The following KANK1 variants were observed in gnomAD, a reference collection of about 807,000 sequenced individuals.
The protein encoded by KANK1 is KN motif and ankyrin repeat domain-containing protein 1.
A neutral mutation model predicts 106.2 loss-of-function variants in KANK1; 109 were observed. The ratio of observed to expected loss-of-function variants is 1.03; its 90% CI spans 0.88 to 1.20. KANK1 has a LOEUF of 1.20. Ranked by LOEUF, KANK1 falls within the 50% of genes most tolerant of loss-of-function variation. KANK1 has a pLI of 0.00. For synonymous variants in KANK1, 873 were observed against 652.2 expected (o/e 1.34, Z -5.16); for missense variants, 2,399 against 1,710.7 (o/e 1.40, Z -7.10).
At chr9:478,559 A>G (rs868841510) in intron 3 of KANK1, 1 of 152,296 alleles carries the variant, frequency 6.6e-6, no homozygotes, top group African/African-American at 2.4e-5. Flanking sequence ...ATCACAGCAT[A>G]AGGACCAGTG....
In KANK1 at chr9:537,770, C is replaced by G. The variant is rs149525072; in HGVS notation, c.-84+33016C>G. 9.8e-3 allele frequency among the ~76,000 whole-genome samples: 1,492 copies of G among 152,256 alleles called. 14 individuals carry two copies. Among genetic ancestry groups the G allele is most frequent in the South Asian group, 0.026 (125 of 4,826 alleles). On this transcript the variant is annotated intron_variant, in intron 1 of 11. Coordinates refer to ENST00000382297, the MANE Select transcript of KANK1 (RefSeq NM_015158.5). ...TTTTGGGGAGGGGTGCTACTGGCAT[C>G]TAGGGAGTAGAGGCCAGAGATGCCC...
intron 1 of KANK1, among the ~76,000 whole-genome samples, chr9:667,159 C>A (rs566516754): frequency 6.6e-6 from 1 of 151,682 alleles, no homozygotes; most frequent in Non-Finnish European, 1.5e-5. Context: ...TCTCTTTCTT[C>A]GTGGTTCAAT....
chr9:507,404 C>G (rs2058811203), intron 1 of KANK1, among the ~76,000 whole-genome samples: 1 of 152,050 alleles, frequency 6.6e-6, no homozygotes, highest in Admixed American at 6.6e-5. Context: ...ACCCCCAGCC[C>G]TGCCGACGGA....
intron 2 of KANK1, among the ~76,000 whole-genome samples, chr9:698,410 T>C (rs1159073918): frequency 6.6e-6 from 1 of 152,228 alleles, no homozygotes; most frequent in Non-Finnish European, 1.5e-5. Flanking sequence ...TTTCTCATAC[T>C]TCAGTGACCT....
chr9:533,136 T>G (rs1422738445), intron 1 of KANK1, among the ~76,000 whole-genome samples: 1 of 152,184 alleles, frequency 6.6e-6, no homozygotes, highest in Admixed American at 6.5e-5. Context: ...AAGCTGAGTG[T>G]GTGAGGTTTT....
At chr9:556,925 C>G (rs1237043889) in intron 1 of KANK1, among the ~76,000 whole-genome samples, 1 of 152,046 alleles carries the variant, frequency 6.6e-6, no homozygotes, top group East Asian at 1.9e-4. Flanking sequence ...TTGAACAAAC[C>G]AGCTTTGAGA....
chr9:586,420 A>G (rs1179054172), intron 1 of KANK1, among the ~76,000 whole-genome samples: 1 of 152,180 alleles, frequency 6.6e-6, no homozygotes, highest in Non-Finnish European at 1.5e-5. Context: ...GAGGTATGCC[A>G]AGGAAGTTGG....
intron 1 of KANK1, 128 bp from the exon 2 acceptor site, chr9:676,762 A>G (rs1404564325): frequency 6.0e-6 from 3 of 496,666 alleles, no homozygotes; most frequent in African/African-American, 3.9e-5. Context: ...TCCTGGATCT[A>G]TAGTCTTTCT....
In KANK1 at chr9:728,455, C is replaced by T. The variant is rs185798416; in HGVS notation, c.2699-1596C>T. On this transcript the variant is annotated intron_variant, in intron 3 of 11. Coordinates refer to ENST00000382297, the MANE Select transcript of KANK1 (RefSeq NM_015158.5). ...TCAGGTGATCCACCTGCCTTGGCCT[C>T]CCAAAGTGCTGGGGTTAACAGGCAT... 2.9e-4 allele frequency among the ~76,000 whole-genome samples: 43 copies of T among 150,050 alleles called. No individual in the cohort carries two copies. In the East Asian group the frequency reaches 7.0e-3, roughly 25 times the overall value.
At chr9:506,507 C>G (rs2132647998) in intron 1 of KANK1, among the ~76,000 whole-genome samples, 1 of 149,638 alleles carries the variant, frequency 6.7e-6, no homozygotes, top group South Asian at 2.1e-4. Context: ...GAGGTTCTGC[C>G]TCAGCGAAAG....
At chr9:735,893 T>C (rs2131964927) in intron 7 of KANK1, 1 of 248,722 alleles carries the variant, frequency 4.0e-6, no homozygotes, top group Non-Finnish European at 8.8e-6. Context: ...TACTCGGGAG[T>C]CTGAGGCTGG....
chr9:712,140 A>G lies in KANK1; in HGVS notation c.1374A>G (p.Gln458=), dbSNP rs1477764062. The change falls in exon 3 of 12, where the codon CAA becomes CAG. Residue 458 remains glutamine, a synonymous_variant. Transcript: ENST00000382297. ...MTEADKEIEL[Q]QQTIESLKEK... Reference sequence around the variant, plus strand: ...AAGCTGACAAAGAAATTGAGCTGCAACAGCAGACCATAGAATCCTTGAAGG... The same window carrying G: ...AAGCTGACAAAGAAATTGAGCTGCAGCAGCAGACCATAGAATCCTTGAAGG... 13 of 1,614,026 alleles carry G rather than the reference A, an allele frequency of 8.1e-6. No individual in the cohort carries two copies. The highest frequency in any genetic ancestry group is 1.1e-5 in the South Asian group (1 of 91,096).
chr9:627,403 C>T (rs567633964), intron 1 of KANK1, among the ~76,000 whole-genome samples: 1 of 148,776 alleles, frequency 6.7e-6, no homozygotes, highest in South Asian at 2.1e-4. Flanking sequence ...CACAGAGCTT[C>T]TGCCCCCTCC....
chr9:744,211 T>G (rs1243951100), intron 10 of KANK1, among the ~76,000 whole-genome samples: 1 of 149,404 alleles, frequency 6.7e-6, no homozygotes, highest in Non-Finnish European at 1.5e-5. Context: ...AAAAAAACTT[T>G]CTATCCCCAT....
At chr9:490,941 G>A (rs966464990) in intron 3 of KANK1, among the ~76,000 whole-genome samples, 2 of 149,046 alleles carry the variant, frequency 1.3e-5, no homozygotes, top group Non-Finnish European at 3.0e-5. Flanking sequence ...ATGAGACTAT[G>A]TGAAGGGCTA....
chr9:730,369 G>C (rs1831883535), intron 4 of KANK1, 121 bp downstream of exon 4: 1 of 1,048,744 alleles, frequency 9.5e-7, no homozygotes, highest in Non-Finnish European at 1.4e-6. Flanking sequence ...TCGTTATTTG[G>C]AAGGTAGGCC....
chr9:526,398 A>C (rs1478406939), intron 1 of KANK1, among the ~76,000 whole-genome samples: 1 of 151,150 alleles, frequency 6.6e-6, no homozygotes, highest in Admixed American at 6.6e-5. Flanking sequence ...TATGGGAAAA[A>C]CCCTTGAATA....
intron 1 of KANK1, among the ~76,000 whole-genome samples, chr9:668,834 C>T (rs1034157629): frequency 2.6e-5 from 4 of 152,084 alleles, no homozygotes; most frequent in African/African-American, 9.7e-5. Context: ...TGTTCTACCT[C>T]AGATCATCAG....
At chr9:563,750 A>G (rs548780387) in intron 1 of KANK1, among the ~76,000 whole-genome samples, 7 of 152,270 alleles carry the variant, frequency 4.6e-5, no homozygotes, top group Admixed American at 2.0e-4. Flanking sequence ...AAATTGCTCT[A>G]TGGTTCAGAA....
Sources: allele counts gnomAD v4.1 joint callset (sites outside exome capture counted in the v4.1 genomes callset), GRCh38; gene constraint gnomAD v4.1.1; transcripts MANE v1.5; gene names NCBI Gene and HGNC (gene_info 2026-07-23, HGNC 2026-07-21).